Variants in NCAN observed in about 807,000 individuals in gnomAD.
The protein encoded by NCAN is neurocan core protein.
Under a neutral mutation model 121.8 loss-of-function variants are expected in NCAN, and 47 were observed. The ratio of observed to expected loss-of-function variants is 0.39; its 90% CI spans 0.31 to 0.49. The LOEUF is 0.49. Ranked by LOEUF, NCAN falls within the 20% of genes least tolerant of loss-of-function variation. The pLI is 0.92. For missense variants in NCAN, 1,517 were observed against 1,773.4 expected, an observed-to-expected ratio of 0.86 and a Z score of 2.60; for synonymous variants, 633 against 702.0, an observed-to-expected ratio of 0.90 and a Z score of 1.55.
chr19:19,227,982 A>G lies in NCAN; in HGVS notation c.2362A>G (p.Lys788Glu). ...GGACCCCTGGCCCTCAGTGTACAGC[A>G]AAGGGCTGGATGCAAGTTCCCCATC... ...VQDPWPSVYS[K>E]GLDASSPSAP... Residue 788 changes from lysine (K) to glutamate (E), a missense_variant, in exon 8 of 15, where the codon AAA becomes GAA. By Grantham distance (56) the Lys-to-Glu change is moderately conservative. Coordinates refer to ENST00000252575, the MANE Select transcript of NCAN (RefSeq NM_004386.3). This position sits in a 1 kb window ranked among gnomAD's most constrained non-coding sequence, Gnocchi z 4.2. 6.2e-7 allele frequency: 1 copy of G among 1,613,404 alleles called. No homozygotes were observed. The highest frequency in any genetic ancestry group is 8.5e-7 in the Non-Finnish European group (1 of 1,179,960).
intron 13 of NCAN, among the ~76,000 whole-genome samples, chr19:19,248,265 C>A (rs541759935): frequency 2.6e-5 from 4 of 151,912 alleles, no homozygotes; most frequent in African/African-American, 9.7e-5. Context: ...GCCAATATGA[C>A]GAAACCCGGT....
chr19:19,218,075 T>TG, intron 2 of NCAN, among the ~76,000 whole-genome samples: 1 of 151,128 alleles, frequency 6.6e-6, no homozygotes, highest in Non-Finnish European at 1.5e-5. Flanking sequence ...GGTCAGGAAT[T>TG]GGAGACCAGC....
Position 19,250,361 on chromosome 19 carries a change from A to C in NCAN, c.*450A>C. On this transcript the variant is annotated 3_prime_UTR_variant, in exon 15 of 15. Coordinates refer to ENST00000252575, the MANE Select transcript of NCAN (RefSeq NM_004386.3). The stretch of plus-strand genomic sequence containing the variant: ...GAAGAAGCCTGGACGTAGGGTCATT[A>C]GCTTTGGGAATAGAAGGCTACACAG... 8.4e-6 allele frequency: 3 copies of C among 359,016 alleles called. No homozygotes were observed. The highest frequency in any genetic ancestry group is 1.0e-3 in the Middle Eastern group (1 of 1,000). 22.2% of individuals were successfully genotyped at this position (359,016 alleles called of 1,614,324 possible).
At chr19:19,245,800 G>A (rs1840085974) in intron 13 of NCAN, among the ~76,000 whole-genome samples, 2 of 150,748 alleles carry the variant, frequency 1.3e-5, no homozygotes, top group African/African-American at 4.9e-5. Flanking sequence ...TTTTTTTCAT[G>A]AAGCATTCAG....
chr19:19,230,385 C>T (rs189310568), intron 8 of NCAN, among the ~76,000 whole-genome samples: 141 of 146,322 alleles, frequency 9.6e-4, no homozygotes, highest in African/African-American at 3.3e-3. Flanking sequence ...GTTTAACTAC[C>T]GCACCCCCCA....
chr19:19,233,977 C>T (rs997534491), intron 9 of NCAN, 72 bp downstream of exon 9: 11 of 948,618 alleles, frequency 1.2e-5, no homozygotes, highest in African/African-American at 1.6e-5. Context: ...ACTCCAGCAG[C>T]CATGCCCTCA....
chr19:19,219,975 T>C (rs1466253789), intron 3 of NCAN, among the ~76,000 whole-genome samples: 1 of 151,346 alleles, frequency 6.6e-6, no homozygotes, highest in East Asian at 1.9e-4. Context: ...TGCAGTGAGC[T>C]GAGATTGAGC....
chr19:19,240,887 G>A (rs982298467), intron 12 of NCAN, among the ~76,000 whole-genome samples: 5 of 152,168 alleles, frequency 3.3e-5, no homozygotes, highest in Non-Finnish European at 7.4e-5. Flanking sequence ...AACAGACCGC[G>A]CCCACGAAGC....
chr19:19,235,480 C>T lies in NCAN; in HGVS notation c.3250+384C>T, dbSNP rs371932853. ...AGAGATGGGGTTTTGCTATGTTGGCCGGGCTGGTCTTGAACTCCTGACCTC... is the reference window on the plus strand; with the variant it reads ...AGAGATGGGGTTTTGCTATGTTGGCTGGGCTGGTCTTGAACTCCTGACCTC... On this transcript the variant is annotated intron_variant, in intron 10 of 14. Coordinates refer to ENST00000252575, the MANE Select transcript of NCAN (RefSeq NM_004386.3). Among the ~76,000 whole-genome samples, 370 of 150,936 alleles carry T rather than the reference C, an allele frequency of 2.5e-3. 1 individual carries two copies. Among genetic ancestry groups the T allele is most frequent in the South Asian group, 8.2e-3 (39 of 4,776 alleles).
At chr19:19,248,502 G>A (rs913562100) in intron 13 of NCAN, among the ~76,000 whole-genome samples, 198 bp from the exon 14 acceptor site, 2 of 150,186 alleles carry the variant, frequency 1.3e-5, no homozygotes, top group African/African-American at 4.9e-5. Context: ...GCAGGTGCCT[G>A]TAATCCCAGC....
intron 11 of NCAN, chr19:19,238,690 C>T: frequency 2.1e-6 from 1 of 477,494 alleles, no homozygotes; most frequent in Non-Finnish European, 3.9e-6. Flanking sequence ...AGCACAGCAG[C>T]AATCAAGGCT....
chr19:19,249,917 C>T lies in NCAN; in HGVS notation c.*6C>T. 1.2e-6 allele frequency: 2 copies of T among 1,611,610 alleles called. No individual in the cohort carries two copies. The highest frequency in any genetic ancestry group is 2.2e-5 in the East Asian group (1 of 44,784). On this transcript the variant is annotated 3_prime_UTR_variant, in exon 15 of 15. Coordinates refer to ENST00000252575, the MANE Select transcript of NCAN (RefSeq NM_004386.3). ...ACGAAGGGAATTTCTGCTGAAGAAC[C>T]AGAAAAAAGAAAGCACAACACCTTT...
Position 19,247,091 on chromosome 19 carries a change from A to G in NCAN, c.3638-1609A>G, listed in dbSNP as rs765964588. 1.4e-4 allele frequency among the ~76,000 whole-genome samples: 21 copies of G among 151,612 alleles called. No homozygotes were observed. In the South Asian group the frequency reaches 1.5e-3, roughly 11 times the overall value. Reference sequence around the variant, plus strand: ...CCCCCATTTATTCATGTATTTATTTATTTATTTTTGAAACAGGGTCTTGCA... The same window carrying G: ...CCCCCATTTATTCATGTATTTATTTGTTTATTTTTGAAACAGGGTCTTGCA... On this transcript the variant is annotated intron_variant, in intron 13 of 14. Coordinates refer to ENST00000252575, the MANE Select transcript of NCAN (RefSeq NM_004386.3).
At position 19,224,168 on chromosome 19, in the gene NCAN, C is replaced by G; in HGVS notation, c.623C>G (p.Ala208Gly). Residue 208 changes from alanine to glycine, a missense_variant, in exon 4 of 15, where the codon GCT becomes GGT. Ala to Gly is a moderately conservative substitution (Grantham distance 60). Transcript: ENST00000252575. ...GAGGATGGCTTTGACAACTGTGATGCTGGCTGGCTCTCTGACCGCACTGTT... is the reference window on the plus strand; with the variant it reads ...GAGGATGGCTTTGACAACTGTGATGGTGGCTGGCTCTCTGACCGCACTGTT... Reference protein sequence around the residue: ...AFEDGFDNCDAGWLSDRTVRY... With the variant: ...AFEDGFDNCDGGWLSDRTVRY... 6.3e-7 allele frequency: 1 copy of G among 1,594,786 alleles called. No individual in the cohort carries two copies. Among genetic ancestry groups the G allele is most frequent in the East Asian group, 2.3e-5 (1 of 44,410 alleles).
chr19:19,218,770 C>A, intron 2 of NCAN, 145 bp from the exon 3 acceptor site: 2 of 761,550 alleles, frequency 2.6e-6, no homozygotes, highest in Non-Finnish European at 3.7e-6. Context: ...TCGCGTCCAG[C>A]CACTGCTTGG....
chr19:19,231,822 A>G (rs986472204), intron 8 of NCAN, among the ~76,000 whole-genome samples: 1 of 152,000 alleles, frequency 6.6e-6, no homozygotes, highest in Non-Finnish European at 1.5e-5. Flanking sequence ...TCTACAAAAC[A>G]AATTTTAAAA....
Position 19,224,086 on chromosome 19 carries a change from G to C in NCAN, c.541G>C (p.Ala181Pro). The C allele has an allele frequency of 6.2e-7, 1 of 1,604,864 alleles. No homozygotes were observed. The highest frequency in any genetic ancestry group is 8.5e-7 in the Non-Finnish European group (1 of 1,172,916). ...ACTGACCTTCGCTGAGGCCCAGGAG[G>C]CCTGCCGTCTCAGCTCAGCCATCAT... ...YALTFAEAQE[A>P]CRLSSAIIAA... is the part of the protein sequence containing the mutation. Residue 181 changes from alanine to proline, a missense_variant, in exon 4 of 15, where the codon GCC (alanine) becomes CCC (proline). Ala to Pro is a conservative substitution (Grantham distance 27). Transcript: ENST00000252575.
rs1042595812 is a variant in NCAN at position 19,249,286 on chromosome 19, A to G, written c.3820+404A>G. Reference sequence around the variant, plus strand: ...GGGTTTCACTATGTTGGCCAGGCTGATCTCGAACTCCTGAGTTCATGTGAT... The same window carrying G: ...GGGTTTCACTATGTTGGCCAGGCTGGTCTCGAACTCCTGAGTTCATGTGAT... On this transcript the variant is annotated intron_variant, in intron 14 of 14. Transcript: ENST00000252575. Among the ~76,000 whole-genome samples the G allele has an allele frequency of 2.2e-4, 33 of 152,004 alleles. 1 individual carries two copies. The highest frequency in any genetic ancestry group is 3.2e-3 in the Middle Eastern group (1 of 316).
At chr19:19,217,919 G>A (rs564639445) in intron 2 of NCAN, among the ~76,000 whole-genome samples, 14 of 151,362 alleles carry the variant, frequency 9.2e-5, no homozygotes, top group East Asian at 2.0e-4. Context: ...CCTGGGAGGC[G>A]AAGGTTGCAG....
Sources: gnomAD v4.1 joint callset for allele counts (sites outside exome capture counted in the v4.1 genomes callset) on GRCh38, gnomAD v4.1.1 for gene constraint, Gnocchi (gnomAD v3.1) non-coding constraint, MANE v1.5 for transcripts, NCBI Gene and HGNC (gene_info 2026-07-23, HGNC 2026-07-21) for gene names.